Variants in LRP1B observed in about 807,000 individuals in gnomAD.
LRP1B encodes the protein LDL receptor related protein 1B.
LRP1B carries 217 observed loss-of-function variants against 556.6 expected under a neutral mutation model. The ratio of observed to expected loss-of-function variants is 0.39; its 90% CI spans 0.35 to 0.44. LRP1B has a LOEUF of 0.44. Ranked by LOEUF, LRP1B falls within the 20% of genes least tolerant of loss-of-function variation. The pLI is 1.00. For missense variants in LRP1B, 5,053 were observed against 5,620.8 expected, an observed-to-expected ratio of 0.90 and a Z score of 3.23; for synonymous variants, 2,047 against 1,865.8, an observed-to-expected ratio of 1.10 and a Z score of -2.50.
intron 23 of LRP1B, among the ~76,000 whole-genome samples, chr2:140,891,309 G>C (rs998539751): frequency 1.6e-4 from 25 of 152,196 alleles, no homozygotes; most frequent in African/African-American, 6.0e-4. Context: ...TTATCAGACA[G>C]ACTATGAAAG....
chr2:141,754,998 T>TTATATATATA (rs368911650), intron 2 of LRP1B, among the ~76,000 whole-genome samples: 2 of 151,846 alleles, frequency 1.3e-5, no homozygotes, highest in African/African-American at 4.8e-5. Flanking sequence ...TGCTATCCTC[T>TTATATATATA]TATATATATA....
chr2:140,993,062 A>G (rs556896683), intron 16 of LRP1B, among the ~76,000 whole-genome samples: 1 of 152,202 alleles, frequency 6.6e-6, no homozygotes, highest in African/African-American at 2.4e-5. Flanking sequence ...ATGGATGCCC[A>G]GACTAACTTT....
intron 1 of LRP1B, among the ~76,000 whole-genome samples, chr2:141,871,009 C>T (rs1220868891): frequency 6.6e-6 from 1 of 151,902 alleles, no homozygotes; most frequent in Admixed American, 6.6e-5. Context: ...ATTAGCTAAA[C>T]CCATCATTGT....
chr2:140,783,914 C>T (rs2104968915), intron 32 of LRP1B, among the ~76,000 whole-genome samples: 1 of 152,262 alleles, frequency 6.6e-6, no homozygotes, highest in African/African-American at 2.4e-5. Flanking sequence ...ATTAGAATTA[C>T]CTGGAGAACT....
intron 6 of LRP1B, among the ~76,000 whole-genome samples, chr2:141,216,379 G>A (rs573041387): frequency 5.3e-5 from 8 of 152,366 alleles, no homozygotes; most frequent in African/African-American, 1.7e-4. Flanking sequence ...ATGGGAAAGC[G>A]TGGTTGCCCA....
At chr2:140,291,582 T>C (rs999822005) in intron 84 of LRP1B, among the ~76,000 whole-genome samples, 3 of 151,814 alleles carry the variant, frequency 2.0e-5, no homozygotes, top group Non-Finnish European at 2.9e-5. Flanking sequence ...GTCCTTGCGA[T>C]AGTTTGCTGA....
At chr2:141,768,385 A>G (rs1398025206) in intron 2 of LRP1B, among the ~76,000 whole-genome samples, 1 of 152,160 alleles carries the variant, frequency 6.6e-6, no homozygotes, top group Non-Finnish European at 1.5e-5. Flanking sequence ...TTACTGACAT[A>G]TGCAACTTAG....
At chr2:141,938,987 G>C (rs552700468) in intron 1 of LRP1B, among the ~76,000 whole-genome samples, 2 of 152,060 alleles carry the variant, frequency 1.3e-5, no homozygotes, top group East Asian at 3.9e-4. Context: ...GGTTATCAAG[G>C]GCTTGGAGGG....
At chr2:140,760,366 A>G (rs915473540) in intron 35 of LRP1B, among the ~76,000 whole-genome samples, 1 of 152,182 alleles carries the variant, frequency 6.6e-6, no homozygotes, top group Non-Finnish European at 1.5e-5. Flanking sequence ...CATTCAACAG[A>G]TACCAATATG....
At position 141,096,621 on chromosome 2, in the gene LRP1B, G is replaced by GAGAGAGAGA. The variant is rs1558857992; in HGVS notation, c.1014-34349_1014-34348insTCTCTCTCT. 1.5e-3 allele frequency among the ~76,000 whole-genome samples: 61 copies of GAGAGAGAGA among 39,924 alleles called. 2 individuals are homozygous for GAGAGAGAGA. The highest frequency in any genetic ancestry group is 4.5e-3 in the South Asian group (4 of 884). The allele number at this position is 39,924 out of a possible 152,430, so 26.2% of individuals were successfully genotyped here. A position where few individuals can be genotyped will look rare whatever the true frequency, so the allele number is the denominator to read the frequency against. On this transcript the variant is annotated intron_variant, in intron 7 of 90. Transcript: ENST00000389484. The stretch of plus-strand genomic sequence containing the variant: ...ACCCTAGCCTGAATGACAAAGACGG[G>GAGAGAGAGA]GAGAGGGGGAGAGAGAGAGAGAGAG...
chr2:141,653,739 A>G (rs1211137012), intron 2 of LRP1B, among the ~76,000 whole-genome samples: 1 of 152,222 alleles, frequency 6.6e-6, no homozygotes, highest in African/African-American at 2.4e-5. Flanking sequence ...ACCTGAGTAT[A>G]TTAATGTGTT....
chr2:142,001,779 G>C (rs1702663798), intron 1 of LRP1B, among the ~76,000 whole-genome samples: 1 of 152,164 alleles, frequency 6.6e-6, no homozygotes, highest in Non-Finnish European at 1.5e-5. Context: ...ACCAACTTCA[G>C]ATGAAAAGTA....
chr2:142,123,986 A>C (rs1224548139), intron 1 of LRP1B, among the ~76,000 whole-genome samples: 1 of 151,996 alleles, frequency 6.6e-6, no homozygotes, highest in Non-Finnish European at 1.5e-5. Flanking sequence ...TAGACAATAC[A>C]TCATTATTAA....
At chr2:141,910,718 C>A (rs1394317764) in intron 1 of LRP1B, among the ~76,000 whole-genome samples, 1 of 151,948 alleles carries the variant, frequency 6.6e-6, no homozygotes, top group African/African-American at 2.4e-5. Context: ...GTGAAACACA[C>A]CAGTTTTTCT....
intron 35 of LRP1B, among the ~76,000 whole-genome samples, chr2:140,756,403 G>C (rs1282973588): frequency 6.6e-6 from 1 of 151,940 alleles, no homozygotes; most frequent in African/African-American, 2.4e-5. Context: ...GAACAAAGTT[G>C]AAAGCCTCAC....
intron 32 of LRP1B, among the ~76,000 whole-genome samples, chr2:140,790,165 G>A (rs1402588838): frequency 6.6e-6 from 1 of 152,120 alleles, no homozygotes; most frequent in Non-Finnish European, 1.5e-5. Context: ...GCGGGGATTA[G>A]AGTGGCCTTT....
intron 35 of LRP1B, among the ~76,000 whole-genome samples, chr2:140,751,631 T>C (rs1350337672): frequency 6.6e-6 from 1 of 152,160 alleles, no homozygotes; most frequent in South Asian, 2.1e-4. Context: ...AGTCTCATGG[T>C]TTCAATTCTC....
intron 58 of LRP1B, among the ~76,000 whole-genome samples, chr2:140,487,231 T>C (rs994776915): frequency 2.6e-5 from 4 of 151,926 alleles, no homozygotes; most frequent in African/African-American, 7.2e-5. Flanking sequence ...ATAATTTCAA[T>C]CCACACTGTA....
chr2:140,485,667 A>C (rs951719765), intron 58 of LRP1B, 143 bp from the exon 59 acceptor site: 2 of 570,640 alleles, frequency 3.5e-6, no homozygotes, highest in African/African-American at 3.9e-5. Flanking sequence ...AATTGACCGC[A>C]ATACAATTAC....
Sources: gnomAD v4.1 joint callset for allele counts (sites outside exome capture counted in the v4.1 genomes callset) on GRCh38, gnomAD v4.1.1 for gene constraint, MANE v1.5 for transcripts, NCBI Gene and HGNC (gene_info 2026-07-23, HGNC 2026-07-21) for gene names.